Variants in ADAMTS12 observed in about 807,000 individuals in gnomAD.
ADAMTS12 encodes ADAM metallopeptidase with thrombospondin type 1 motif 12.
A neutral mutation model predicts 167.8 loss-of-function variants in ADAMTS12; 118 were observed. The ratio of observed to expected loss-of-function variants is 0.70; its 90% confidence interval spans 0.61 to 0.82. The LOEUF is 0.82. ADAMTS12 is among the 40% of genes least tolerant of loss of function. The pLI is 0.00. For missense variants in ADAMTS12, 1,916 were observed against 1,998.8 expected (o/e 0.96, Z 0.79); for synonymous variants, 704 against 716.9 (o/e 0.98, Z 0.29).
At chr5:33,802,789 C>A (rs1377657547) in intron 2 of ADAMTS12, among the ~76,000 whole-genome samples, 3 of 152,172 alleles carry the variant, frequency 2.0e-5, no homozygotes, top group African/African-American at 7.2e-5. Context: ...AATAGCAGTC[C>A]TCTATGGGAG....
Position 33,576,846 on chromosome 5 carries a change from T to G in ADAMTS12, c.3180A>C (p.Gly1060=). The G allele has an allele frequency of 1.2e-6, 2 of 1,614,220 alleles. No individual in the cohort carries two copies. Among genetic ancestry groups the G allele is most frequent in the Non-Finnish European group, 1.7e-6 (2 of 1,180,034 alleles). The stretch of plus-strand genomic sequence containing the variant: ...CTTGCCACTGTTTCCCACCCAGGTC[T>G]CCTTCTTTGGAGGCTGTGGTAGGAC... The part of the protein sequence containing the change: ...SPSPTTASKE[G]DLGGKQWQDS... The change falls in exon 19 of 24, where the codon GGA becomes GGC. Residue 1060 remains glycine, a synonymous_variant. Transcript: ENST00000504830.
chr5:33,864,932 T>A (rs987190023), intron 2 of ADAMTS12, among the ~76,000 whole-genome samples: 1 of 151,980 alleles, frequency 6.6e-6, no homozygotes, highest in Non-Finnish European at 1.5e-5. Flanking sequence ...GGCCCATGTA[T>A]ACCTATGTAA....
At chr5:33,685,612 G>A (rs913188643) in intron 3 of ADAMTS12, among the ~76,000 whole-genome samples, 2 of 152,172 alleles carry the variant, frequency 1.3e-5, no homozygotes, top group African/African-American at 4.8e-5. Flanking sequence ...AAACTCTAGC[G>A]TTGTGAGTTT....
intron 13 of ADAMTS12, among the ~76,000 whole-genome samples, chr5:33,626,203 A>T (rs760888283): frequency 5.9e-5 from 9 of 151,638 alleles, no homozygotes; most frequent in Non-Finnish European, 1.0e-4. Context: ...AGGTGGTGAT[A>T]ATAGTGGTGA....
intron 2 of ADAMTS12, among the ~76,000 whole-genome samples, chr5:33,847,146 C>A (rs1748974344): frequency 6.6e-6 from 1 of 152,190 alleles, no homozygotes; most frequent in Non-Finnish European, 1.5e-5. Flanking sequence ...TAATCCAGCA[C>A]AAAGGCCCTG....
chr5:33,623,444 T>C (rs1312047713), intron 14 of ADAMTS12, among the ~76,000 whole-genome samples: 1 of 152,204 alleles, frequency 6.6e-6, no homozygotes, highest in Non-Finnish European at 1.5e-5. Context: ...TCTGCCATGG[T>C]TCCCATATAA....
chr5:33,624,543 G>A (rs1301603558), intron 13 of ADAMTS12, among the ~76,000 whole-genome samples, 192 bp from the exon 14 acceptor site: 2 of 152,222 alleles, frequency 1.3e-5, no homozygotes, highest in East Asian at 3.9e-4. Flanking sequence ...GGCACTACTT[G>A]CTCAGAGAGG....
intron 2 of ADAMTS12, among the ~76,000 whole-genome samples, chr5:33,788,148 G>A (rs1029697581): frequency 3.3e-5 from 5 of 152,264 alleles, no homozygotes; most frequent in East Asian, 1.9e-4. Context: ...GAATATGGAC[G>A]CCTGTCCACA....
intron 6 of ADAMTS12, 68 bp downstream of exon 6, chr5:33,661,848 G>A: frequency 2.5e-6 from 4 of 1,598,920 alleles, no homozygotes; most frequent in Middle Eastern, 2.1e-4. Flanking sequence ...TTGAACACCT[G>A]GTAAGCCTTT....
At chr5:33,889,557 T>C (rs1333730599) in intron 1 of ADAMTS12, among the ~76,000 whole-genome samples, 1 of 152,220 alleles carries the variant, frequency 6.6e-6, no homozygotes, top group East Asian at 1.9e-4. Context: ...TCCTTCTTAA[T>C]TCTAAATGTA....
chr5:33,825,852 A>G (rs1402632249), intron 2 of ADAMTS12, among the ~76,000 whole-genome samples: 1 of 152,182 alleles, frequency 6.6e-6, no homozygotes, highest in Non-Finnish European at 1.5e-5. Context: ...CCTTGCTAGC[A>G]GTATTCTTGT....
intron 2 of ADAMTS12, among the ~76,000 whole-genome samples, chr5:33,795,704 G>C (rs866752593): frequency 6.6e-6 from 1 of 152,122 alleles, no homozygotes; most frequent in Non-Finnish European, 1.5e-5. Context: ...GTCTCTGTCA[G>C]TAAGAGCCAC....
chr5:33,807,649 C>A (rs1747290133), intron 2 of ADAMTS12, among the ~76,000 whole-genome samples: 1 of 152,126 alleles, frequency 6.6e-6, no homozygotes, highest in African/African-American at 2.4e-5. Flanking sequence ...AAATTTAATG[C>A]AGTCATAAAA....
chr5:33,827,050 T>C (rs1341759305), intron 2 of ADAMTS12, among the ~76,000 whole-genome samples: 4 of 135,216 alleles, frequency 3.0e-5, no homozygotes, highest in Non-Finnish European at 6.6e-5. Context: ...CAAAAATTAA[T>C]GTCTATGGAA....
intron 1 of ADAMTS12, 34 bp from the exon 2 acceptor site, chr5:33,881,514 G>GA (rs748819892): frequency 6.3e-7 from 1 of 1,591,646 alleles, no homozygotes; most frequent in South Asian, 1.1e-5. Flanking sequence ...GAACAGTGAG[G>GA]GAGATTGGTA....
intron 2 of ADAMTS12, among the ~76,000 whole-genome samples, chr5:33,796,516 C>T (rs1039488362): frequency 6.6e-6 from 1 of 152,212 alleles, no homozygotes; most frequent in Non-Finnish European, 1.5e-5. Flanking sequence ...GTGTTGCTCA[C>T]TGACATCCAG....
intron 1 of ADAMTS12, among the ~76,000 whole-genome samples, chr5:33,886,036 A>G (rs1750624415): frequency 6.6e-6 from 1 of 152,238 alleles, no homozygotes; most frequent in Admixed American, 6.5e-5. Flanking sequence ...CAATTTATCC[A>G]GAAAATAACA....
chr5:33,807,087 C>G (rs1445932270), intron 2 of ADAMTS12, among the ~76,000 whole-genome samples: 1 of 152,226 alleles, frequency 6.6e-6, no homozygotes, highest in African/African-American at 2.4e-5. Flanking sequence ...TCTGGCCTCT[C>G]TGTGTGTCTC....
chr5:33,728,438 A>G (rs530832252), intron 3 of ADAMTS12, among the ~76,000 whole-genome samples: 2 of 152,284 alleles, frequency 1.3e-5, no homozygotes, highest in Admixed American at 1.3e-4. Context: ...TGTCCGAATC[A>G]GCCTCTTAAC....
Sources: gnomAD v4.1 joint callset for allele counts (sites outside exome capture counted in the v4.1 genomes callset) on GRCh38, gnomAD v4.1.1 for gene constraint, MANE v1.5 for transcripts, NCBI Gene and HGNC (gene_info 2026-07-23, HGNC 2026-07-21) for gene names.